TRAT1: variants seen among roughly 807,000 people sequenced by gnomAD.
TRAT1 encodes the protein T cell receptor associated transmembrane adaptor 1, also known as T-cell receptor-associated transmembrane adapter 1.
Under a neutral mutation model 20.0 loss-of-function variants are expected in TRAT1, and 20 were observed. That is an observed-to-expected ratio of 1.00 (90% CI 0.70 to 1.45). The LOEUF (loss-of-function observed/expected upper bound fraction) is 1.45, where lower values mean the gene tolerates loss of function less well. Among genes scored for constraint, TRAT1 ranks in the 40% most tolerant of loss-of-function variants. The probability of loss-of-function intolerance (pLI) is 0.00; values close to 1 mark genes in which losing one functional copy is unlikely to be tolerated. For missense variants in TRAT1, 237 were observed against 224.1 expected, an observed-to-expected ratio of 1.06 and a Z score of -0.37; for synonymous variants, 77 against 74.2, an observed-to-expected ratio of 1.04 and a Z score of -0.20.
chr3:108,830,549 C>T (rs1945783096), intron 1 of TRAT1, 121 bp from the exon 2 acceptor site: 1 of 639,476 alleles, frequency 1.6e-6, no homozygotes, highest in Non-Finnish European at 2.8e-6. Context: ...AATTAGTTTC[C>T]CGGTAGAGAC....
At position 108,830,729 on chromosome 3, in the gene TRAT1, G is replaced by A. The variant is rs188076466; in HGVS notation, c.67G>A (p.Val23Ile). The change falls in exon 2 of 6, where the codon GTT (valine) becomes ATT (isoleucine). Residue 23 changes from valine (V) to isoleucine (I), a missense_variant. Transcript: ENST00000295756. ...TCTAGCATTGTTGGGCTTGGCTTTG[G>A]TTATATCACTGATCTTCAATATTTC... Reference protein sequence around the residue: ...GLLALLGLALVISLIFNISHY... With the variant: ...GLLALLGLALIISLIFNISHY... 3 of 1,613,878 alleles carry A rather than the reference G, an allele frequency of 1.9e-6. No individual in the cohort carries two copies. In the Admixed American group the frequency reaches 5.0e-5, roughly 27 times the overall value.
At position 108,853,854 on chromosome 3, in the gene TRAT1, G is replaced by A. The variant is rs774898395; in HGVS notation, c.538G>A (p.Ala180Thr). 1 of 1,613,886 alleles carries A rather than the reference G, an allele frequency of 6.2e-7. No homozygotes were observed. The highest frequency in any genetic ancestry group is 1.3e-5 in the African/African-American group (1 of 74,922). Residue 180 changes from alanine (A) to threonine (T), a missense_variant, in exon 6 of 6, where the codon GCT (alanine) becomes ACT (threonine). Coordinates refer to ENST00000295756, the MANE Select transcript of TRAT1 (RefSeq NM_016388.4). Reference protein sequence around the residue: ...DPIRLFGLIRAKREPIN With the variant: ...DPIRLFGLIRTKREPIN ...CATCAGACTGTTTGGATTGATCCGT[G>A]CTAAGAGAGAACCTATAAACTAGCT...
intron 2 of TRAT1, among the ~76,000 whole-genome samples, chr3:108,836,140 G>A (rs564466537): frequency 3.3e-5 from 5 of 152,110 alleles, no homozygotes; most frequent in African/African-American, 7.2e-5. Flanking sequence ...GGATAGTCCC[G>A]ATCTCCCGAC....
intron 2 of TRAT1, among the ~76,000 whole-genome samples, chr3:108,837,017 T>C (rs1945847545): frequency 6.6e-6 from 1 of 152,228 alleles, no homozygotes; most frequent in East Asian, 1.9e-4. Context: ...GTCTTATTTA[T>C]CAGTTTACAA....
chr3:108,838,550 C>T (rs1945861641), intron 2 of TRAT1, among the ~76,000 whole-genome samples: 1 of 152,032 alleles, frequency 6.6e-6, no homozygotes, highest in Admixed American at 6.6e-5. Context: ...TACAGTCATG[C>T]CCTGCAGTGG....
rs777225017 is a variant in TRAT1, at chr3:108,830,694, T to G, written c.32T>G (p.Leu11Arg). 6.2e-7 allele frequency: 1 copy of G among 1,613,402 alleles called. No homozygotes were observed. The highest frequency in any genetic ancestry group is 1.1e-5 in the South Asian group (1 of 91,062). MSGISGCPFF[L>R]WGLLALLGLA... ...GGAATCTCTGGGTGCCCCTTTTTCC[T>G]CTGGGGACTTCTAGCATTGTTGGGC... The change falls in exon 2 of 6, where the codon CTC becomes CGC. Residue 11 changes from leucine (L) to arginine (R), a missense_variant. Physicochemically the swap from Leu to Arg is moderately radical, Grantham distance 102 (BLOSUM62 -2). Transcript: ENST00000295756.
intron 5 of TRAT1, among the ~76,000 whole-genome samples, chr3:108,852,506 C>T (rs968928256): frequency 3.3e-5 from 5 of 152,058 alleles, no homozygotes; most frequent in African/African-American, 4.8e-5. Flanking sequence ...CAAGTGCCAA[C>T]GGGGAGATGC....
At chr3:108,849,351 A>C (rs1420992403) in intron 5 of TRAT1, 97 bp downstream of exon 5, 14 of 995,886 alleles carry the variant, frequency 1.4e-5, no homozygotes, top group African/African-American at 9.9e-5. Context: ...GAAATTTTGC[A>C]ATCAATCAGA....
intron 4 of TRAT1, among the ~76,000 whole-genome samples, chr3:108,848,962 C>A (rs958502930): frequency 1.3e-5 from 2 of 152,098 alleles, no homozygotes; most frequent in South Asian, 4.1e-4. Context: ...TCTTACTAAC[C>A]CTTTAGCTCA....
At chr3:108,834,179 T>C in intron 2 of TRAT1, among the ~76,000 whole-genome samples, 1 of 152,218 alleles carries the variant, frequency 6.6e-6, no homozygotes, top group East Asian at 1.9e-4. Context: ...TCAGAGAGTT[T>C]TCTGTAGAGT....
chr3:108,835,631 A>G (rs1945831977), intron 2 of TRAT1, among the ~76,000 whole-genome samples: 1 of 152,194 alleles, frequency 6.6e-6, no homozygotes, highest in South Asian at 2.1e-4. Context: ...TTTACATCCT[A>G]AAAGTAGCAT....
chr3:108,843,343 AAC>A (rs1000028582), intron 3 of TRAT1, among the ~76,000 whole-genome samples: 1 of 152,158 alleles, frequency 6.6e-6, no homozygotes, highest in Non-Finnish European at 1.5e-5. Flanking sequence ...AATCCTGGCC[AAC>A]ATAGTAAAAC....
chr3:108,836,199 T>C (rs1412119849), intron 2 of TRAT1, among the ~76,000 whole-genome samples: 5 of 152,192 alleles, frequency 3.3e-5, no homozygotes, highest in Non-Finnish European at 5.9e-5. Context: ...ATTACAGGCA[T>C]GAGCCACCGT....
At chr3:108,828,079 T>C (rs1445244632) in intron 1 of TRAT1, among the ~76,000 whole-genome samples, 1 of 152,182 alleles carries the variant, frequency 6.6e-6, no homozygotes, top group Non-Finnish European at 1.5e-5. Context: ...GGATGATTTA[T>C]AGCTAGATTC....
chr3:108,837,091 G>GT (rs1321104972), intron 2 of TRAT1, among the ~76,000 whole-genome samples: 1 of 151,952 alleles, frequency 6.6e-6, no homozygotes, highest in Non-Finnish European at 1.5e-5. Flanking sequence ...CATTTCTCAG[G>GT]TTTTTTGATT....
At chr3:108,839,089 G>C in intron 3 of TRAT1, 122 bp downstream of exon 3, 2 of 757,970 alleles carry the variant, frequency 2.6e-6, no homozygotes, top group Non-Finnish European at 4.5e-6. Context: ...TGAAAAGTGA[G>C]TTTTAATTAC....
intron 1 of TRAT1, among the ~76,000 whole-genome samples, chr3:108,826,050 T>C (rs1386413393): frequency 2.0e-5 from 3 of 152,200 alleles, no homozygotes; most frequent in African/African-American, 7.2e-5. Flanking sequence ...AGTCTAGCAT[T>C]GGAGGAATCA....
intron 1 of TRAT1, among the ~76,000 whole-genome samples, chr3:108,827,810 C>T (rs1334777661): frequency 2.0e-5 from 3 of 152,080 alleles, no homozygotes; most frequent in Non-Finnish European, 4.4e-5. Context: ...CAAAACACAA[C>T]CCTAAAGAAA....
At chr3:108,839,117 G>A (rs889140444) in intron 3 of TRAT1, 150 bp downstream of exon 3, 2 of 629,962 alleles carry the variant, frequency 3.2e-6, no homozygotes, top group Middle Eastern at 3.4e-4. Context: ...CTCATCTAAA[G>A]ATCAGAAGCT....
Sources: allele counts gnomAD v4.1 joint callset (sites outside exome capture counted in the v4.1 genomes callset), GRCh38; gene constraint gnomAD v4.1.1; transcripts MANE v1.5; gene names NCBI Gene and HGNC (gene_info 2026-07-23, HGNC 2026-07-21).